The following ABCC9 variants were observed in gnomAD, a reference collection of about 807,000 sequenced individuals.
ABCC9 encodes the protein ATP binding cassette subfamily C member 9.
A neutral mutation model predicts 188.3 loss-of-function variants in ABCC9; 95 were observed. That is an observed-to-expected ratio of 0.50 (90% CI 0.43 to 0.60). ABCC9 has a LOEUF of 0.60. Among genes scored for constraint, ABCC9 ranks in the 20% least tolerant of loss-of-function variants. ABCC9 has a pLI of 0.00. For missense variants in ABCC9, 1,102 were observed against 1,876.3 expected (o/e 0.59, Z 7.62); for synonymous variants, 659 against 652.7 (o/e 1.01, Z -0.15).
At chr12:21,883,344 C>T (rs907160942) in intron 15 of ABCC9, among the ~76,000 whole-genome samples, 6 of 152,124 alleles carry the variant, frequency 3.9e-5, no homozygotes, top group Admixed American at 2.6e-4. Context: ...GTGTTGTTCT[C>T]GTGATAGTGA....
intron 24 of ABCC9, among the ~76,000 whole-genome samples, chr12:21,849,650 C>T (rs913569883): frequency 4.6e-5 from 7 of 152,072 alleles, no homozygotes; most frequent in Non-Finnish European, 8.8e-5. Context: ...AGCAATTTTT[C>T]CTAAGAGTAA....
At chr12:21,875,572 C>A (rs1946299521) in intron 17 of ABCC9, 82 bp downstream of exon 17, 4 of 1,052,164 alleles carry the variant, frequency 3.8e-6, no homozygotes, top group South Asian at 1.3e-5. Context: ...TAAAAAGTAT[C>A]TTTTTGTTAG....
chr12:21,837,202 A>G (rs773583452), intron 30 of ABCC9, among the ~76,000 whole-genome samples: 1 of 152,170 alleles, frequency 6.6e-6, no homozygotes, highest in Non-Finnish European at 1.5e-5. Flanking sequence ...GACATCTCCA[A>G]TAAAAGGAAT....
chr12:21,931,354 C>A (rs1377715248), intron 4 of ABCC9, among the ~76,000 whole-genome samples: 2 of 151,566 alleles, frequency 1.3e-5, no homozygotes, highest in Non-Finnish European at 1.5e-5. Context: ...AAGGTCTCCC[C>A]AGCCATGTGG....
At chr12:21,931,759 T>A (rs1471063684) in intron 4 of ABCC9, among the ~76,000 whole-genome samples, 1 of 152,154 alleles carries the variant, frequency 6.6e-6, no homozygotes, top group Non-Finnish European at 1.5e-5. Flanking sequence ...GTATAAAAAT[T>A]AAGCCTAGAA....
At chr12:21,888,901 A>G (rs1454975940) in intron 14 of ABCC9, among the ~76,000 whole-genome samples, 1 of 68,862 alleles carries the variant, frequency 1.5e-5, no homozygotes, top group African/African-American at 5.7e-5. Flanking sequence ...GCAAGCTAGG[A>G]TGCAGCAAGT....
At chr12:21,825,776 A>T (rs903424334) in intron 31 of ABCC9, among the ~76,000 whole-genome samples, 1 of 152,186 alleles carries the variant, frequency 6.6e-6, no homozygotes, top group Non-Finnish European at 1.5e-5. Context: ...TATGTATCCC[A>T]GAACTTAAAG....
At position 21,852,424 on chromosome 12, in the gene ABCC9, T is replaced by A; in HGVS notation, c.2587A>T (p.Lys863Ter). The A allele has an allele frequency of 6.2e-7, 1 of 1,613,954 alleles. No individual in the cohort carries two copies. The highest frequency in any genetic ancestry group is 1.7e-5 in the Admixed American group (1 of 60,000). Residue 863 changes from lysine (K) to a stop codon, truncating the protein, a stop_gained, in exon 23 of 40, where the codon AAA becomes TAA. Coordinates refer to ENST00000261200, the MANE Select transcript of ABCC9 (RefSeq NM_020297.4). LOFTEE classifies it high-confidence loss of function. ...EGILKFLQDD[K>*]RTLVLVTHKL... ...TGAGTCACAAGAACGAGTGTCCTTT[T>A]GTCATCTTGCAGGAATTTCAAAATC... is the stretch of plus-strand genomic sequence containing the variant.
intron 29 of ABCC9, among the ~76,000 whole-genome samples, chr12:21,838,637 G>A (rs953603287): frequency 6.6e-6 from 1 of 152,158 alleles, no homozygotes; most frequent in Non-Finnish European, 1.5e-5. Context: ...CTTTAGGGCT[G>A]TTGTAGTAGG....
chr12:21,835,582 A>G (rs1163471374), intron 30 of ABCC9, among the ~76,000 whole-genome samples: 1 of 152,162 alleles, frequency 6.6e-6, no homozygotes, highest in Non-Finnish European at 1.5e-5. Context: ...CTTCCTCTTA[A>G]CCTAAGAGGA....
chr12:21,815,261 G>C (rs988382491), intron 34 of ABCC9, among the ~76,000 whole-genome samples: 3 of 149,528 alleles, frequency 2.0e-5, no homozygotes, highest in African/African-American at 7.4e-5. Flanking sequence ...TTATTTTCAT[G>C]TGATTGCCTT....
chr12:21,936,332 C>G (rs986179032), intron 3 of ABCC9, among the ~76,000 whole-genome samples: 2 of 152,126 alleles, frequency 1.3e-5, no homozygotes, highest in African/African-American at 4.8e-5. Context: ...CATGCCTAAG[C>G]AAGCATGTGA....
chr12:21,802,394 A>G (rs1392540369), intron 39 of ABCC9, among the ~76,000 whole-genome samples: 1 of 148,034 alleles, frequency 6.8e-6, no homozygotes, highest in Non-Finnish European at 1.5e-5. Context: ...TAGAAGTATA[A>G]TGGGAGCCAC....
At chr12:21,844,399 T>C in intron 28 of ABCC9, 84 bp downstream of exon 28, 1 of 1,144,586 alleles carries the variant, frequency 8.7e-7, no homozygotes, top group Non-Finnish European at 1.3e-6. Context: ...CTATTGTTAA[T>C]AGGAATTATA....
At chr12:21,875,042 G>T (rs1342205659) in intron 17 of ABCC9, among the ~76,000 whole-genome samples, 1 of 150,912 alleles carries the variant, frequency 6.6e-6, no homozygotes, top group African/African-American at 2.4e-5. Context: ...TGTGTCAAGA[G>T]GATAAGTCTC....
chr12:21,866,936 G>A (rs1945810873), intron 18 of ABCC9, among the ~76,000 whole-genome samples: 2 of 152,162 alleles, frequency 1.3e-5, no homozygotes, highest in South Asian at 4.1e-4. Flanking sequence ...GGGGAATAAT[G>A]GAGTGTGAAG....
At chr12:21,847,225 A>G (rs185384649) in intron 25 of ABCC9, among the ~76,000 whole-genome samples, 3 of 152,288 alleles carry the variant, frequency 2.0e-5, no homozygotes, top group African/African-American at 7.2e-5. Context: ...ACTGAACAGA[A>G]TAATTGGGTA....
chr12:21,929,228 A>G (rs1949175181), intron 4 of ABCC9, among the ~76,000 whole-genome samples: 1 of 151,980 alleles, frequency 6.6e-6, no homozygotes, highest in African/African-American at 2.4e-5. Flanking sequence ...TTAAATATTT[A>G]TAAAATAATG....
chr12:21,917,177 A>T (rs1191586159), intron 5 of ABCC9, 74 bp from the exon 6 acceptor site: 1 of 1,481,770 alleles, frequency 6.7e-7, no homozygotes, highest in African/African-American at 1.4e-5. Context: ...TGTAATTATG[A>T]TGCTTTTTAA....
Sources: gnomAD v4.1 joint callset for allele counts (sites outside exome capture counted in the v4.1 genomes callset) on GRCh38, gnomAD v4.1.1 for gene constraint, MANE v1.5 for transcripts, NCBI Gene and HGNC (gene_info 2026-07-23, HGNC 2026-07-21) for gene names.